Variants in USP7 observed in about 807,000 individuals in gnomAD.
USP7 encodes ubiquitin C-terminal hydrolase 7.
Under a neutral mutation model 162.9 loss-of-function variants are expected in USP7, and 9 were observed. That is an observed-to-expected ratio of 0.06 (90% CI 0.03 to 0.10). USP7 has a LOEUF of 0.10. USP7 is among the 10% of genes least tolerant of loss of function. The pLI is 1.00. For synonymous variants in USP7, 562 were observed against 475.9 expected (o/e 1.18, Z -2.35); for missense variants, 715 against 1,373.7 (o/e 0.52, Z 7.58).
chr16:8,963,709 G>A lies in USP7; in HGVS notation c.-424C>T, dbSNP rs908524937. 3.5e-5 allele frequency among the ~76,000 whole-genome samples: 5 copies of A among 143,458 alleles called. No individual in the cohort carries two copies. The highest frequency in any genetic ancestry group is 7.7e-5 in the Non-Finnish European group (5 of 64,882). The allele number at this position is 143,458 out of a possible 152,430, so 94.1% of individuals were successfully genotyped here. ...CCGCCTCGGGCCGGGCGCGGCGGAC[G>A]GGAGGCCTGGCCGGCCGCGGCGGGC... On this transcript the variant is annotated 5_prime_UTR_variant, in exon 1 of 31. Coordinates refer to ENST00000344836, the MANE Select transcript of USP7 (RefSeq NM_003470.3).
chr16:8,936,970 G>T (rs1054467512), intron 1 of USP7, among the ~76,000 whole-genome samples: 1 of 152,110 alleles, frequency 6.6e-6, no homozygotes, highest in East Asian at 1.9e-4. Context: ...TCGCTGGGGG[G>T]CACACAGGCG....
chr16:8,942,887 C>T (rs974704202), intron 1 of USP7, among the ~76,000 whole-genome samples: 1 of 152,202 alleles, frequency 6.6e-6, no homozygotes, highest in Non-Finnish European at 1.5e-5. Flanking sequence ...TGGCCATATG[C>T]ACCCTCATTA....
At chr16:8,921,707 G>A (rs920869905) in intron 3 of USP7, among the ~76,000 whole-genome samples, 1 of 152,136 alleles carries the variant, frequency 6.6e-6, no homozygotes, top group Non-Finnish European at 1.5e-5. Flanking sequence ...AACCAGCACC[G>A]GGGAGCTCTG....
chr16:8,952,966 A>G (rs1321206391), intron 1 of USP7, among the ~76,000 whole-genome samples: 4 of 151,950 alleles, frequency 2.6e-5, no homozygotes, highest in Admixed American at 2.6e-4. Context: ...CCTCCCAAGT[A>G]GCTGGGATTA....
At chr16:8,935,146 G>A (rs140761979) in intron 1 of USP7, among the ~76,000 whole-genome samples, 14 of 151,820 alleles carry the variant, frequency 9.2e-5, no homozygotes, top group African/African-American at 2.7e-4. Context: ...CCACCTTTTC[G>A]GAAGTTTTTA....
chr16:8,904,235 T>G (rs926437003), intron 15 of USP7, among the ~76,000 whole-genome samples, 200 bp downstream of exon 15: 2 of 152,184 alleles, frequency 1.3e-5, no homozygotes, highest in African/African-American at 2.4e-5. Flanking sequence ...GCAGCTTCTC[T>G]CTGGGCAGCT....
intron 25 of USP7, among the ~76,000 whole-genome samples, chr16:8,897,803 G>A (rs1461681452): frequency 6.8e-6 from 1 of 147,964 alleles, no homozygotes; most frequent in Admixed American, 6.8e-5. Context: ...GGGGGCTGAG[G>A]TGGGAGGATC....
chr16:8,900,425 A>G (rs2061756579), intron 21 of USP7, 105 bp downstream of exon 21: 1 of 799,146 alleles, frequency 1.3e-6, no homozygotes, highest in Non-Finnish European at 1.9e-6. Context: ...AAAAACAAAA[A>G]CAAAAACGTG....
At chr16:8,897,234 C>T (rs1469530393) in intron 25 of USP7, 135 bp from the exon 26 acceptor site, 2 of 671,044 alleles carry the variant, frequency 3.0e-6, no homozygotes, top group South Asian at 1.8e-5. Flanking sequence ...CTCTCATTCC[C>T]ACCCCAACTC....
At chr16:8,937,883 G>A (rs1898837208) in intron 1 of USP7, among the ~76,000 whole-genome samples, 1 of 152,190 alleles carries the variant, frequency 6.6e-6, no homozygotes, top group African/African-American at 2.4e-5. Flanking sequence ...TGGGGAGCTT[G>A]CATCTATGTG....
intron 10 of USP7, among the ~76,000 whole-genome samples, chr16:8,914,508 G>T (rs1319262084): frequency 6.6e-6 from 1 of 152,112 alleles, no homozygotes. Context: ...AGCAAAAGAA[G>T]AAAGATTTCA....
intron 26 of USP7, among the ~76,000 whole-genome samples, chr16:8,896,054 T>TTC (rs2061676500): frequency 6.6e-6 from 1 of 151,836 alleles, no homozygotes; most frequent in Admixed American, 6.6e-5. Flanking sequence ...TTAGCCAGGA[T>TTC]GGTCTCGAAC....
chr16:8,907,095 G>C (rs1457932839), intron 12 of USP7, among the ~76,000 whole-genome samples: 1 of 152,304 alleles, frequency 6.6e-6, no homozygotes, highest in African/African-American at 2.4e-5. Flanking sequence ...GCATGCACCC[G>C]GCCTGCGAAG....
At chr16:8,905,513 C>T (rs958690298) in intron 13 of USP7, among the ~76,000 whole-genome samples, 182 bp from the exon 14 acceptor site, 1 of 152,238 alleles carries the variant, frequency 6.6e-6, no homozygotes, top group African/African-American at 2.4e-5. Context: ...GCGCCTCAGG[C>T]ATCCGCTCAT....
chr16:8,910,337 G>A (rs1020699696), intron 11 of USP7, among the ~76,000 whole-genome samples: 5 of 152,134 alleles, frequency 3.3e-5, no homozygotes, highest in African/African-American at 1.2e-4. Flanking sequence ...TTCTAAAGTC[G>A]TGATCCTCAG....
At chr16:8,906,603 A>G in intron 12 of USP7, 21 bp from the exon 13 acceptor site, 1 of 1,605,706 alleles carries the variant, frequency 6.2e-7, no homozygotes, top group Non-Finnish European at 8.5e-7. Context: ...ACATTTTAAA[A>G]GAAATTCAGT....
Position 8,911,422 on chromosome 16 carries a change from G to A in USP7, c.1079-595C>T, listed in dbSNP as rs540454419. ...ATGGTAACATTAAGAGTGAAAGGGC[G>A]AGCCACATGCTGAGTGACAAGCTCT... On this transcript the variant is annotated intron_variant, in intron 10 of 30. Transcript: ENST00000344836. 1.7e-4 allele frequency among the ~76,000 whole-genome samples: 26 copies of A among 152,358 alleles called. 1 individual carries two copies. In the South Asian group the frequency reaches 5.2e-3, roughly 30 times the overall value.
Position 8,904,609 on chromosome 16 carries a change from T to TCC in USP7, c.1574-46_1574-45dup, listed in dbSNP as rs773153852. 9 of 1,604,474 alleles carry TCC rather than the reference T, an allele frequency of 5.6e-6. No homozygotes were observed. In the Admixed American group the frequency reaches 1.5e-4, roughly 27 times the overall value. On this transcript the variant is annotated intron_variant, in intron 14 of 30. Coordinates refer to ENST00000344836, the MANE Select transcript of USP7 (RefSeq NM_003470.3). ...CTCTTTGACCCCTGCAGATGGACTT[T>TCC]CCCCTCTTAGAAGCTCCCGATTCTA...
chr16:8,893,833 A>G lies in USP7; in HGVS notation c.*165T>C. 3.2e-6 allele frequency: 2 copies of G among 622,976 alleles called. No individual in the cohort carries two copies. Among genetic ancestry groups the G allele is most frequent in the South Asian group, 2.0e-5 (1 of 51,090 alleles). 38.6% of individuals were successfully genotyped at this position (622,976 alleles called of 1,614,324 possible). On this transcript the variant is annotated 3_prime_UTR_variant, in exon 31 of 31. Transcript: ENST00000344836. The stretch of plus-strand genomic sequence containing the variant: ...TCATTTTGCTCAAAAAGGGCAGTCA[A>G]TAGATACAGAGAAGCCAAACTGAAC...
Sources: allele counts gnomAD v4.1 joint callset (sites outside exome capture counted in the v4.1 genomes callset), GRCh38; gene constraint gnomAD v4.1.1; transcripts MANE v1.5; gene names NCBI Gene and HGNC (gene_info 2026-07-23, HGNC 2026-07-21).